TTN: variants seen among roughly 807,000 people sequenced by gnomAD.
TTN encodes connectin.
Under a neutral mutation model 3,223.0 loss-of-function variants are expected in TTN, and 1,525 were observed. The observed-to-expected ratio is 0.47, with a 90% CI of 0.45 to 0.49. TTN has a LOEUF of 0.49. TTN is among the 20% of genes least tolerant of loss of function. The pLI is 0.00. For missense variants in TTN, 40,786 were observed against 43,424.0 expected, an observed-to-expected ratio of 0.94 and a Z score of 5.40; for synonymous variants, 14,094 against 15,161.0, an observed-to-expected ratio of 0.93 and a Z score of 5.17.
In TTN at chr2:178,546,774, C is replaced by G. The variant is rs1219078324; in HGVS notation, c.94654G>C (p.Gly31552Arg). The G allele has an allele frequency of 1.2e-6, 2 of 1,613,766 alleles. No individual in the cohort carries two copies. The highest frequency in any genetic ancestry group is 3.3e-5 in the Admixed American group (2 of 60,002). ...IIERKPVSEV[G>R]DGRWLKCNYT... The stretch of plus-strand genomic sequence containing the variant: ...TTGCACTTCAGCCAGCGACCATCTC[C>G]TACCTCACTGACTGGCTTACGCTCT... Residue 31552 changes from glycine (G) to arginine (R), a missense_variant, in exon 341 of 363, where the codon GGA becomes CGA. Transcript: ENST00000589042.
rs757992100 is a variant in TTN at position 178,570,594 on chromosome 2, C to T, written c.75538G>A (p.Gly25180Arg). 7 of 1,613,392 alleles carry T rather than the reference C, an allele frequency of 4.3e-6. No homozygotes were observed. The East Asian group carries it at 1.3e-4, about 31-fold the overall frequency. The change falls in exon 326 of 363, where the codon GGA becomes AGA. Residue 25180 changes from glycine (G) to arginine (R), a missense_variant. Transcript: ENST00000589042. ...TTTTTGGCCTTCAGTATGTAATTTC[C>T]ACTGTCGACACGTACTGCATCTTTT... ...SVKDAVRVDSGNYILKAKNVA... is the reference protein window; with the variant it reads ...SVKDAVRVDSRNYILKAKNVA...
At chr2:178,645,570 A>C (rs1273365671) in intron 217 of TTN, among the ~76,000 whole-genome samples, 1 of 152,132 alleles carries the variant, frequency 6.6e-6, no homozygotes, top group Non-Finnish European at 1.5e-5. Context: ...GATTTCTTAT[A>C]CATTCCTTAA....
rs754130699 is a variant in TTN, at chr2:178,611,376, T to A, written c.50853A>T (p.Pro16951=). The A allele has an allele frequency of 2.5e-6, 4 of 1,612,740 alleles. No homozygotes were observed. Among genetic ancestry groups the A allele is most frequent in the Non-Finnish European group, 3.4e-6 (4 of 1,179,252 alleles). Residue 16951 remains proline, a synonymous_variant, in exon 269 of 363, where the codon CCA becomes CCT. Coordinates refer to ENST00000589042, the MANE Select transcript of TTN (RefSeq NM_001267550.2). ...EISENVVAKD[P]DCKPTIDLET... is the part of the protein sequence containing the mutation. ...TAAAAGACCTTGTGCTCTTACAGTC[T>A]GGGTCTTTGGCAACCACATTTTCAG...
chr2:178,638,643 AG>A (rs1323123222), intron 223 of TTN, among the ~76,000 whole-genome samples: 4 of 151,796 alleles, frequency 2.6e-5, no homozygotes, highest in Admixed American at 2.6e-4. Context: ...CAAATTGTCA[AG>A]GCATTATATT....
At chr2:178,685,694 A>G (rs2070674930) in intron 127 of TTN, 96 bp from the exon 128 acceptor site, 1 of 1,273,868 alleles carries the variant, frequency 7.9e-7, no homozygotes, top group Non-Finnish European at 1.1e-6. Context: ...TCAAAATAGC[A>G]AAAGTTTAAC....
At position 178,675,996 on chromosome 2, in the gene TTN, C is replaced by T; in HGVS notation, c.34379-1G>A. 1 of 1,595,000 alleles carries T rather than the reference C, an allele frequency of 6.3e-7. No individual in the cohort carries two copies. The highest frequency in any genetic ancestry group is 8.6e-7 in the Non-Finnish European group (1 of 1,169,446). On this transcript the variant is annotated splice_acceptor_variant, in intron 147 of 362. Coordinates refer to ENST00000589042, the MANE Select transcript of TTN (RefSeq NM_001267550.2). LOFTEE classifies it high-confidence loss of function. ...GTCACTTTCTTCTTAATTTCAGGCA[C>T]TTTAAAGACATCATTTCATGATAAG...
intron 71 of TTN, 30 bp downstream of exon 71, chr2:178,725,338 C>T (rs1303969339): frequency 7.0e-7 from 1 of 1,437,076 alleles, no homozygotes; most frequent in East Asian, 2.5e-5. Flanking sequence ...GCATTTGGCA[C>T]CAGTTTCTAT....
At chr2:178,694,253 T>C (rs997965680) in intron 117 of TTN, among the ~76,000 whole-genome samples, 2 of 152,138 alleles carry the variant, frequency 1.3e-5, no homozygotes, top group Non-Finnish European at 2.9e-5. Context: ...TCACACACAA[T>C]GTTGTGCTTT....
Position 178,793,398 on chromosome 2 carries a change from T to C in TTN, c.1536+6A>G, listed in dbSNP as rs768049592. 1 of 1,614,008 alleles carries C rather than the reference T, an allele frequency of 6.2e-7. No homozygotes were observed. Among genetic ancestry groups the C allele is most frequent in the Non-Finnish European group, 8.5e-7 (1 of 1,179,934 alleles). ...CAGTGAATTTAAAATACAAACCCAT[T>C]TTCACCTGCTCATGAGTTACGTGCA... On this transcript the variant is annotated splice_donor_region_variant and intron_variant, in intron 9 of 362. Transcript: ENST00000589042.
chr2:178,630,154 T>C, intron 239 of TTN, 87 bp downstream of exon 239: 1 of 1,567,826 alleles, frequency 6.4e-7, no homozygotes, highest in Non-Finnish European at 8.7e-7. Flanking sequence ...ATTTTCTAAC[T>C]AATAAAATAG....
At position 178,770,061 on chromosome 2, in the gene TTN, C is replaced by T. The variant is rs879222360; in HGVS notation, c.8640G>A (p.Glu2880=). 78 of 1,614,042 alleles carry T rather than the reference C, an allele frequency of 4.8e-5. No individual in the cohort carries two copies. Among genetic ancestry groups the T allele is most frequent in the Non-Finnish European group, 5.6e-5 (66 of 1,180,026 alleles). Residue 2880 remains glutamate, a splice_region_variant and synonymous_variant, in exon 36 of 363, where the codon GAG becomes GAA. Coordinates refer to ENST00000589042, the MANE Select transcript of TTN (RefSeq NM_001267550.2). ...TGTAGGGGGCTGCCTGATACTTACT[C>T]TCCACAAACAGTTTTGCTTTGCATT... ...QLECKAKLFV[E]TLHITKTMKN...
chr2:178,770,299 G>T lies in TTN; in HGVS notation c.8402C>A (p.Pro2801Gln). The T allele has an allele frequency of 6.2e-7, 1 of 1,614,118 alleles. No homozygotes were observed. The highest frequency in any genetic ancestry group is 1.1e-5 in the South Asian group (1 of 91,076). Residue 2801 changes from proline to glutamine, a missense_variant, in exon 36 of 363, where the codon CCA (proline) becomes CAA (glutamine). Pro to Gln is a moderately conservative substitution (Grantham distance 76, BLOSUM62 -1). Transcript: ENST00000589042. Reference protein sequence around the residue: ...HVETVKIIKKPKDVTALENAT... With the variant: ...HVETVKIIKKQKDVTALENAT... ...ATTTTCCAAGGCTGTCACATCCTTT[G>T]GCTTTTTAATGATCTTGACAGCTAA...
At chr2:178,612,678 A>T (rs989362896) in intron 265 of TTN, 95 bp downstream of exon 265, 8 of 1,531,758 alleles carry the variant, frequency 5.2e-6, no homozygotes, top group Middle Eastern at 1.7e-4. Flanking sequence ...GCCAGGAGGA[A>T]ATAATAGTAA....
chr2:178,767,155 T>A (rs1284468605), intron 40 of TTN, among the ~76,000 whole-genome samples: 1 of 152,192 alleles, frequency 6.6e-6, no homozygotes, highest in Non-Finnish European at 1.5e-5. Context: ...TTTCTTTGGA[T>A]GAGCAATATG....
chr2:178,545,211 C>T (rs891214158), intron 344 of TTN, among the ~76,000 whole-genome samples, 177 bp downstream of exon 344: 3 of 152,096 alleles, frequency 2.0e-5, no homozygotes, highest in Admixed American at 6.5e-5. Flanking sequence ...GCTAACTTAA[C>T]AGATGTAATA....
chr2:178,741,478 T>C lies in TTN; in HGVS notation c.11755A>G (p.Thr3919Ala). Reference protein sequence around the residue: ...INSKGEGHKDTETESAVAKSL... With the variant: ...INSKGEGHKDAETESAVAKSL... ...TTTGCCACTGCTGATTCTGTTTCAG[T>C]GTCTTTGTGACCCTCTCCTTTGGAA... Residue 3919 changes from threonine (T) to alanine (A), a missense_variant, in exon 48 of 363, where the codon ACT (threonine) becomes GCT (alanine). Physicochemically the swap from Thr to Ala is moderately conservative, Grantham distance 58. Transcript: ENST00000589042. 1.2e-6 allele frequency: 2 copies of C among 1,613,932 alleles called. No individual in the cohort carries two copies. Among genetic ancestry groups the C allele is most frequent in the Non-Finnish European group, 1.7e-6 (2 of 1,179,842 alleles).
In TTN at chr2:178,624,448, G is replaced by T; in HGVS notation, c.44815+17C>A. On this transcript the variant is annotated intron_variant, in intron 242 of 362. Transcript: ENST00000589042. ...AAGAATTGCAAATGAAAAGTCCTTT[G>T]TAAGAAGAATACTTACGCACGACAT... 6.2e-7 allele frequency: 1 copy of T among 1,610,244 alleles called. No homozygotes were observed.
At chr2:178,681,537 C>A in intron 136 of TTN, 87 bp from the exon 137 acceptor site, 1 of 1,461,840 alleles carries the variant, frequency 6.8e-7, no homozygotes, top group Non-Finnish European at 9.4e-7. Context: ...AAGACAAATA[C>A]AACATAATAT....
chr2:178,605,642 C>A lies in TTN; in HGVS notation c.53653G>T (p.Glu17885Ter), dbSNP rs727503607. The part of the protein sequence containing the change: ...TKSTITLDWK[E>*]PRSNGGSPIQ... ...GGACTGCCACCATTACTGCGGGGCT[C>A]TTTCCAGTCAAGTGTGATAGTGGAC... is the stretch of plus-strand genomic sequence containing the variant. Residue 17885 changes from glutamate (E) to a stop codon, truncating the protein, a stop_gained, in exon 279 of 363, where the codon GAG becomes TAG. Transcript: ENST00000589042. LOFTEE classifies it high-confidence loss of function. 1 of 1,611,132 alleles carries A rather than the reference C, an allele frequency of 6.2e-7. No individual in the cohort carries two copies. The highest frequency in any genetic ancestry group is 8.5e-7 in the Non-Finnish European group (1 of 1,178,240).
Sources: gnomAD v4.1 joint callset for allele counts (sites outside exome capture counted in the v4.1 genomes callset) on GRCh38, gnomAD v4.1.1 for gene constraint, MANE v1.5 for transcripts, NCBI Gene and HGNC (gene_info 2026-07-23, HGNC 2026-07-21) for gene names.